RPS6KB1: variants seen among roughly 807,000 people sequenced by gnomAD.
The protein encoded by RPS6KB1 is ribosomal protein S6 kinase beta-1.
In RPS6KB1, 12 loss-of-function variants were observed where a neutral mutation model predicts 70.2. The observed-to-expected ratio is 0.17, with a 90% CI of 0.11 to 0.28. The LOEUF (loss-of-function observed/expected upper bound fraction) is 0.28, where lower values mean the gene tolerates loss of function less well. Ranked by LOEUF, RPS6KB1 falls within the 10% of genes least tolerant of loss-of-function variation. The pLI, the probability that RPS6KB1 is intolerant of heterozygous loss-of-function variation, is 1.00. For synonymous variants in RPS6KB1, 175 were observed against 211.2 expected, an observed-to-expected ratio of 0.83 and a Z score of 1.49; for missense variants, 270 against 646.6, an observed-to-expected ratio of 0.42 and a Z score of 6.32.
intron 5 of RPS6KB1, among the ~76,000 whole-genome samples, chr17:59,927,336 G>A (rs568149840): frequency 2.1e-4 from 32 of 151,912 alleles, no homozygotes; most frequent in African/African-American, 7.7e-4. Context: ...CACCTAACTC[G>A]GCCTCCCAAA....
chr17:59,926,696 T>C (rs1202618990), intron 5 of RPS6KB1, 114 bp downstream of exon 5: 2 of 851,188 alleles, frequency 2.3e-6, no homozygotes, highest in African/African-American at 3.4e-5. Flanking sequence ...GTGCTTAAAA[T>C]TGATGAGTAC....
intron 1 of RPS6KB1, among the ~76,000 whole-genome samples, chr17:59,903,662 C>T (rs981039394): frequency 6.6e-6 from 1 of 152,066 alleles, no homozygotes; most frequent in African/African-American, 2.4e-5. Context: ...TACATTCTCA[C>T]TAGCACTGTA....
chr17:59,910,562 G>A lies in RPS6KB1; in HGVS notation c.142G>A (p.Gly48Ser). 6.4e-7 allele frequency: 1 copy of A among 1,573,166 alleles called. No homozygotes were observed. The change falls in exon 2 of 15, where the codon GGT becomes AGT. Residue 48 changes from glycine (G) to serine (S), a missense_variant and splice_region_variant. This residue lies in a region of RPS6KB1 where 72 missense variants were observed against 93.4 expected (regional missense o/e 0.77). Transcript: ENST00000225577. ...CTGAAACTTTTAACATATTTTTCAGGGTCAGTTAAATGAAAGCATGGACCA... is the reference window on the plus strand; with the variant it reads ...CTGAAACTTTTAACATATTTTTCAGAGTCAGTTAAATGAAAGCATGGACCA... ...AGSEDELEEGGQLNESMDHGG... is the reference protein window; with the variant it reads ...AGSEDELEEGSQLNESMDHGG...
intron 5 of RPS6KB1, among the ~76,000 whole-genome samples, chr17:59,927,815 T>C (rs1474503229): frequency 6.6e-6 from 1 of 151,088 alleles, no homozygotes; most frequent in Non-Finnish European, 1.5e-5. Flanking sequence ...CCGGAAAAAC[T>C]TTATTTTGAC....
intron 4 of RPS6KB1, among the ~76,000 whole-genome samples, chr17:59,919,415 A>G (rs565109530): frequency 6.6e-6 from 1 of 152,114 alleles, no homozygotes; most frequent in Non-Finnish European, 1.5e-5. Context: ...AGATTGCACC[A>G]TTGTGCTCTA....
At chr17:59,912,960 C>T (rs931610998) in intron 3 of RPS6KB1, among the ~76,000 whole-genome samples, 156 bp downstream of exon 3, 6 of 152,142 alleles carry the variant, frequency 3.9e-5, no homozygotes, top group African/African-American at 1.4e-4. Context: ...TACAGAAGTT[C>T]AGTTTTCCCT....
intron 4 of RPS6KB1, among the ~76,000 whole-genome samples, chr17:59,919,809 T>C (rs916604098): frequency 6.6e-6 from 1 of 152,168 alleles, no homozygotes; most frequent in African/African-American, 2.4e-5. Flanking sequence ...TTCTGCCTTC[T>C]ACAGTCTTCA....
rs539836991 is a variant in RPS6KB1 at position 59,903,073 on chromosome 17, C to T, written c.142-7489C>T. Among the ~76,000 whole-genome samples the T allele has an allele frequency of 5.3e-5, 8 of 151,860 alleles. No individual in the cohort carries two copies. In the East Asian group the frequency reaches 9.7e-4, roughly 18 times the overall value. ...CTGTATTCCCAGCACTTTGGGAGGC[C>T]GAGCTGGGTGGATCATGAAGTCAAG... On this transcript the variant is annotated intron_variant, in intron 1 of 14. Transcript: ENST00000225577.
rs1270611417 is a variant in RPS6KB1 at position 59,949,515 on chromosome 17, TATA to T, written c.*2730_*2732del. On this transcript the variant is annotated 3_prime_UTR_variant, in exon 15 of 15. Coordinates refer to ENST00000225577, the MANE Select transcript of RPS6KB1 (RefSeq NM_003161.4). ...TATACATGCTGTTTTTTAATTAAAA[TATA>T]ATCACTGAAGTTTACTAATTTGATT... The T allele has an allele frequency of 2.0e-5, 3 of 152,578 alleles. No individual in the cohort carries two copies. Among genetic ancestry groups the T allele is most frequent in the Non-Finnish European group, 4.4e-5 (3 of 67,990 alleles). 9.5% of individuals were successfully genotyped at this position (152,578 alleles called of 1,614,324 possible).
intron 4 of RPS6KB1, among the ~76,000 whole-genome samples, chr17:59,920,527 A>G (rs1305390501): frequency 2.0e-5 from 3 of 152,184 alleles, no homozygotes; most frequent in African/African-American, 7.2e-5. Context: ...CCATCTAGCT[A>G]TTCTTCACAT....
At chr17:59,940,586 G>C (rs1357942374) in intron 12 of RPS6KB1, among the ~76,000 whole-genome samples, 1 of 151,898 alleles carries the variant, frequency 6.6e-6, no homozygotes, top group Non-Finnish European at 1.5e-5. Context: ...ATGCCCAGTC[G>C]ATATATTCAC....
At chr17:59,938,321 A>G (rs2044370461) in intron 12 of RPS6KB1, among the ~76,000 whole-genome samples, 1 of 151,674 alleles carries the variant, frequency 6.6e-6, no homozygotes, top group Admixed American at 6.6e-5. Flanking sequence ...CACCACATCC[A>G]GCTAATTTTT....
chr17:59,920,062 G>A (rs957788294), intron 4 of RPS6KB1, among the ~76,000 whole-genome samples: 2 of 150,922 alleles, frequency 1.3e-5, no homozygotes, highest in African/African-American at 4.9e-5. Flanking sequence ...TCTTATTCTT[G>A]TTTGGGATTG....
chr17:59,914,901 G>A (rs952111424), intron 4 of RPS6KB1, among the ~76,000 whole-genome samples, 198 bp downstream of exon 4: 6 of 152,144 alleles, frequency 3.9e-5, no homozygotes, highest in Non-Finnish European at 7.3e-5. Context: ...GACTGAGTCA[G>A]GAGGATTGCT....
chr17:59,899,229 G>C (rs1456037088), intron 1 of RPS6KB1, among the ~76,000 whole-genome samples: 6 of 151,300 alleles, frequency 4.0e-5, no homozygotes, highest in Non-Finnish European at 2.9e-5. Context: ...AAGGAGTAAA[G>C]AGTTTCCTGT....
At position 59,915,788 on chromosome 17, in the gene RPS6KB1, T is replaced by TATTA. The variant is rs1253776031; in HGVS notation, c.381+1085_381+1086insATTA. Among the ~76,000 whole-genome samples the TATTA allele has an allele frequency of 2.7e-3, 351 of 130,786 alleles. 2 individuals carry two copies. The highest frequency in any genetic ancestry group is 0.024 in the Middle Eastern group (6 of 252). 85.8% of individuals were successfully genotyped at this position (130,786 alleles called of 152,430 possible). ...GCCTACTGCTATCTTTTTTTTTTTT[T>TATTA]TTTTTTTTTTTATTGTGACAGAGTT... On this transcript the variant is annotated intron_variant, in intron 4 of 14. Transcript: ENST00000225577.
At chr17:59,923,285 A>G (rs1237693952) in intron 4 of RPS6KB1, among the ~76,000 whole-genome samples, 1 of 151,562 alleles carries the variant, frequency 6.6e-6, no homozygotes, top group African/African-American at 2.4e-5. Flanking sequence ...TCTGCCTCCC[A>G]GGTTCCAGTC....
intron 4 of RPS6KB1, among the ~76,000 whole-genome samples, chr17:59,917,147 C>T (rs910136999): frequency 6.6e-6 from 1 of 152,140 alleles, no homozygotes; most frequent in Non-Finnish European, 1.5e-5. Flanking sequence ...GAGATAGGGT[C>T]TCGCCCTGTC....
In RPS6KB1 at chr17:59,947,919, T is replaced by C. The variant is rs1412622120; in HGVS notation, c.*1131T>C. On this transcript the variant is annotated 3_prime_UTR_variant, in exon 15 of 15. Coordinates refer to ENST00000225577, the MANE Select transcript of RPS6KB1 (RefSeq NM_003161.4). The stretch of plus-strand genomic sequence containing the variant: ...TTTTACTTCTTTCTACTGTTTCTGC[T>C]GTCTACCTTCCTTATATTTTTTTCC... 6.5e-6 allele frequency: 2 copies of C among 306,354 alleles called. No individual in the cohort carries two copies. The highest frequency in any genetic ancestry group is 2.2e-5 in the African/African-American group (1 of 46,452). 19.0% of individuals were successfully genotyped at this position (306,354 alleles called of 1,614,324 possible).
Sources: gnomAD v4.1 joint callset for allele counts (sites outside exome capture counted in the v4.1 genomes callset) on GRCh38, gnomAD v4.1.1 for gene constraint, gnomAD v4.1.1 regional missense constraint, MANE v1.5 for transcripts, NCBI Gene and HGNC (gene_info 2026-07-23, HGNC 2026-07-21) for gene names.